ME3: variants seen among roughly 807,000 people sequenced by gnomAD.
ME3 encodes malic enzyme 3.
ME3 carries 48 observed loss-of-function variants against 68.9 expected under a neutral mutation model. That is an observed-to-expected ratio of 0.70 (90% CI 0.55 to 0.89). The LOEUF (loss-of-function observed/expected upper bound fraction) is 0.89. Among genes scored for constraint, ME3 ranks in the 40% least tolerant of loss-of-function variants. The pLI, the probability that ME3 is intolerant of heterozygous loss-of-function variation, is 0.00. For synonymous variants in ME3, 320 were observed against 318.8 expected, an observed-to-expected ratio of 1.00 and a Z score of -0.04; for missense variants, 675 against 797.4, an observed-to-expected ratio of 0.85 and a Z score of 1.85.
chr11:86,648,515 C>CA (rs57291273), intron 2 of ME3, among the ~76,000 whole-genome samples: 50,273 of 146,948 alleles, frequency 0.34, 10,195 homozygotes, highest in Non-Finnish European at 0.46. Flanking sequence ...AAAAACCTTT[C>CA]AAAAAAAAAA....
At chr11:86,495,720 G>C (rs1465102668) in intron 6 of ME3, among the ~76,000 whole-genome samples, 1 of 152,214 alleles carries the variant, frequency 6.6e-6, no homozygotes, top group Non-Finnish European at 1.5e-5. Flanking sequence ...CAGCTGTAAA[G>C]CATGTATCCA....
chr11:86,603,074 C>A (rs1960981712), intron 2 of ME3, among the ~76,000 whole-genome samples: 1 of 152,160 alleles, frequency 6.6e-6, no homozygotes, highest in African/African-American at 2.4e-5. Flanking sequence ...AAAGCAATGG[C>A]AACAAAAGCT....
At chr11:86,449,239 T>C (rs944016209) in intron 10 of ME3, among the ~76,000 whole-genome samples, 2 of 152,234 alleles carry the variant, frequency 1.3e-5, no homozygotes, top group Admixed American at 6.5e-5. Context: ...GTAGCTCTAA[T>C]GGAGGGGTCC....
chr11:86,664,919 T>C (rs1373566696), intron 2 of ME3, among the ~76,000 whole-genome samples: 1 of 152,164 alleles, frequency 6.6e-6, no homozygotes, highest in East Asian at 1.9e-4. Flanking sequence ...AGCACTTCAT[T>C]CTGTAGTGGG....
chr11:86,598,315 A>T (rs1039869020), intron 2 of ME3, among the ~76,000 whole-genome samples: 2 of 152,206 alleles, frequency 1.3e-5, no homozygotes, highest in Non-Finnish European at 2.9e-5. Context: ...CCTGGCTTGG[A>T]GGGTCCTACG....
At chr11:86,523,754 A>G (rs1045080868) in intron 4 of ME3, among the ~76,000 whole-genome samples, 3 of 152,034 alleles carry the variant, frequency 2.0e-5, no homozygotes, top group Non-Finnish European at 4.4e-5. Context: ...AAGGCCTTGA[A>G]CCTCCATCAC....
At chr11:86,617,051 T>TTTTTG (rs1943015400) in intron 2 of ME3, among the ~76,000 whole-genome samples, 3 of 56,982 alleles carry the variant, frequency 5.3e-5, no homozygotes, top group South Asian at 1.0e-3. Context: ...AGTAGTTTTT[T>TTTTTG]TTTTTTTTTT....
At chr11:86,502,189 G>C (rs1479346143) in intron 5 of ME3, among the ~76,000 whole-genome samples, 2 of 152,064 alleles carry the variant, frequency 1.3e-5, no homozygotes, top group Admixed American at 1.3e-4. Context: ...TTATCTCCTT[G>C]ATACAAATCT....
chr11:86,441,150 C>T (rs76912499), exon 15 of ME3: 12,521 of 977,140 alleles, frequency 0.013, 443 homozygotes, highest in African/African-American at 0.11. Flanking sequence ...TTGGCATCTC[C>T]TCTCACACCA....
chr11:86,447,611 TG>T (rs1366589352), intron 11 of ME3, among the ~76,000 whole-genome samples: 1 of 151,794 alleles, frequency 6.6e-6, no homozygotes, highest in Non-Finnish European at 1.5e-5. Flanking sequence ...TTTGGGAGGC[TG>T]GGGGGCAGTG....
chr11:86,552,830 G>A (rs1020069449), intron 4 of ME3, among the ~76,000 whole-genome samples: 2 of 152,198 alleles, frequency 1.3e-5, no homozygotes, highest in Non-Finnish European at 2.9e-5. Flanking sequence ...CCAAAGCTGG[G>A]AAATGTTAGG....
At chr11:86,587,817 A>T (rs1448875075) in intron 2 of ME3, among the ~76,000 whole-genome samples, 1 of 152,246 alleles carries the variant, frequency 6.6e-6, no homozygotes, top group African/African-American at 2.4e-5. Flanking sequence ...CTTTTAGAAC[A>T]ATGGAAAATA....
intron 2 of ME3, among the ~76,000 whole-genome samples, chr11:86,620,160 A>C (rs1206731181): frequency 1.3e-5 from 2 of 152,228 alleles, no homozygotes; most frequent in East Asian, 3.8e-4. Context: ...GATGTTCAAA[A>C]AACGTTTTTT....
At chr11:86,522,648 G>T (rs1466602914) in intron 4 of ME3, among the ~76,000 whole-genome samples, 1 of 151,916 alleles carries the variant, frequency 6.6e-6, no homozygotes, top group Non-Finnish European at 1.5e-5. Context: ...TTCTGTTTCT[G>T]TGTTAGTTTG....
At position 86,508,770 on chromosome 11, in the gene ME3, A is replaced by G. The variant is rs761318111; in HGVS notation, c.543+22T>C. ...ATGATTCACCCAACAATGATTAAAT[A>G]GCAATGAAAACGGGATCATACCTTA... On this transcript the variant is annotated intron_variant, in intron 5 of 14. Coordinates refer to ENST00000543262, the Ensembl canonical transcript of ME3. 67 of 1,583,880 alleles carry G rather than the reference A, an allele frequency of 4.2e-5. No homozygotes were observed. The East Asian group carries it at 1.5e-3, about 35-fold the overall frequency.
At chr11:86,491,828 A>C (rs1439547822) in intron 6 of ME3, among the ~76,000 whole-genome samples, 1 of 150,364 alleles carries the variant, frequency 6.7e-6, no homozygotes, top group Non-Finnish European at 1.5e-5. Flanking sequence ...TTTAGAATTA[A>C]GTGTGACCCA....
At chr11:86,562,124 C>G (rs955692118) in intron 2 of ME3, among the ~76,000 whole-genome samples, 1 of 152,130 alleles carries the variant, frequency 6.6e-6, no homozygotes, top group Non-Finnish European at 1.5e-5. Context: ...TTTACTGACT[C>G]TACATTTTCA....
intron 2 of ME3, among the ~76,000 whole-genome samples, chr11:86,598,892 T>C (rs188691803): frequency 0.083 from 12,657 of 152,268 alleles, 578 homozygotes; most frequent in Non-Finnish European, 0.11. Context: ...GTGAGGGTCC[T>C]GTCTGTTAGA....
intron 4 of ME3, among the ~76,000 whole-genome samples, chr11:86,519,942 G>A (rs1406442032): frequency 6.6e-6 from 1 of 152,180 alleles, no homozygotes; most frequent in Non-Finnish European, 1.5e-5. Flanking sequence ...GGGATGGGGT[G>A]GCCACAGACA....
Sources: gnomAD v4.1 joint callset for allele counts (sites outside exome capture counted in the v4.1 genomes callset) on GRCh38, gnomAD v4.1.1 for gene constraint, MANE v1.5 for transcripts, NCBI Gene and HGNC (gene_info 2026-07-23, HGNC 2026-07-21) for gene names.